The following TTN variants were observed in gnomAD, a reference collection of about 807,000 sequenced individuals.
The protein encoded by TTN is connectin.
TTN carries 1,525 observed loss-of-function variants against 3,223.0 expected under a neutral mutation model. The observed-to-expected ratio is 0.47, with a 90% CI of 0.45 to 0.49. The LOEUF (loss-of-function observed/expected upper bound fraction) is 0.49, where lower values mean the gene tolerates loss of function less well. Among genes scored for constraint, TTN ranks in the 20% least tolerant of loss-of-function variants. TTN has a pLI of 0.00. For missense variants in TTN, 40,786 were observed against 43,424.0 expected (o/e 0.94, Z 5.40); for synonymous variants, 14,094 against 15,161.0 (o/e 0.93, Z 5.17).
intron 21 of TTN, among the ~76,000 whole-genome samples, chr2:178,780,502 C>T (rs934170542): frequency 6.6e-6 from 1 of 152,188 alleles, no homozygotes; most frequent in Non-Finnish European, 1.5e-5. Context: ...AATTCATTTA[C>T]CTTCCTGAAT....
rs2555817 is a variant in TTN at position 178,546,211 on chromosome 2, C to G, written c.95119+1G>C. ...AATGTGAGAACATTTGACATGCTTA[C>G]CAAGCACTTTGACCATGACAGACAC... On this transcript the variant is annotated splice_donor_variant, in intron 342 of 362. Transcript: ENST00000589042. LOFTEE classifies it high-confidence loss of function. The G allele has an allele frequency of 6.2e-7, 1 of 1,605,246 alleles. No homozygotes were observed. Among genetic ancestry groups the G allele is most frequent in the Non-Finnish European group, 8.5e-7 (1 of 1,174,460 alleles).
In TTN at chr2:178,640,597, T is replaced by C; in HGVS notation, c.40667A>G (p.Glu13556Gly). 2 of 1,594,458 alleles carry C rather than the reference T, an allele frequency of 1.3e-6. No homozygotes were observed. The highest frequency in any genetic ancestry group is 1.7e-6 in the Non-Finnish European group (2 of 1,172,704). Residue 13556 changes from glutamate (E) to glycine (G), a missense_variant, in exon 221 of 363, where the codon GAG (glutamate) becomes GGG (glycine). Transcript: ENST00000589042. ...TTTTGTAACAGTAGGTACTTCAACC[T>C]CTTCAACAGGTTTTGGAGGTGGTGG... ...PEPPPPKPVE[E>G]VEVPTVTKRE...
chr2:178,751,994 C>T (rs763353471), intron 47 of TTN: 45 of 1,591,222 alleles, frequency 2.8e-5, no homozygotes, highest in Non-Finnish European at 3.4e-5. Flanking sequence ...AAAGGCGTCA[C>T]GTGTATCCCT....
chr2:178,712,422 G>T lies in TTN; in HGVS notation c.27500C>A (p.Ala9167Glu), dbSNP rs777165769. Residue 9167 changes from alanine (A) to glutamate (E), a missense_variant, in exon 95 of 363, where the codon GCA becomes GAA. By Grantham distance (107) the Ala-to-Glu change is moderately radical. Transcript: ENST00000589042. ...TGTGCTACTTGGAATTTCCAGGATT[G>T]CCGATTTTTCAGTCGTAGTTATATT... The part of the protein sequence containing the change: ...RCNITTTEKS[A>E]ILEIPSSTVE... 1 of 1,613,782 alleles carries T rather than the reference G, an allele frequency of 6.2e-7. No individual in the cohort carries two copies. The highest frequency in any genetic ancestry group is 1.1e-5 in the South Asian group (1 of 91,078).
intron 47 of TTN, chr2:178,742,784 T>C (rs928274702): frequency 5.9e-5 from 9 of 152,072 alleles, no homozygotes; most frequent in African/African-American, 2.2e-4. Context: ...TATTAGTAGT[T>C]TTATTGCCTT....
rs747881141 is a variant in TTN, at chr2:178,723,295, C to G, written c.21712G>C (p.Asp7238His). ...GACTTCCCTGGTTCTACAGAATGAT[C>G]ACTTAATCTCTTCAAAAATGCAGCT... ...EPAAFLKRLS[D>H]HSVEPGKSII... The change falls in exon 75 of 363, where the codon GAT becomes CAT. Residue 7238 changes from aspartate to histidine, a missense_variant. Transcript: ENST00000589042. The G allele has an allele frequency of 6.2e-7, 1 of 1,612,506 alleles. No individual in the cohort carries two copies. Among genetic ancestry groups the G allele is most frequent in the Non-Finnish European group, 8.5e-7 (1 of 1,179,264 alleles).
At position 178,530,488 on chromosome 2, in the gene TTN, C is replaced by G. The variant is rs752758517; in HGVS notation, c.106127G>C (p.Gly35376Ala). ...CTCATGGATACTCTTAAAGGCTTGC[C>G]CCATAAATTGTAAGTTGGTTTTAGA... ...GTSKTNLQFM[G>A]QAFKSIHEKV... The change falls in exon 358 of 363, where the codon GGG (glycine) becomes GCG (alanine). Residue 35376 changes from glycine (G) to alanine (A), a missense_variant. Gly to Ala is a moderately conservative substitution (Grantham distance 60, BLOSUM62 0). Coordinates refer to ENST00000589042, the MANE Select transcript of TTN (RefSeq NM_001267550.2). 22 of 1,613,780 alleles carry G rather than the reference C, an allele frequency of 1.4e-5. No homozygotes were observed. The highest frequency in any genetic ancestry group is 1.8e-5 in the Non-Finnish European group (21 of 1,179,870).
At chr2:178,549,914 T>C (rs901113884) in intron 337 of TTN, 45 bp from the exon 338 acceptor site, 47 of 1,540,020 alleles carry the variant, frequency 3.1e-5, no homozygotes, top group Non-Finnish European at 3.9e-5. Context: ...TCCTTGTCCA[T>C]TAAAATACAA....
intron 38 of TTN, among the ~76,000 whole-genome samples, chr2:178,768,362 T>C (rs2090894776): frequency 6.6e-6 from 1 of 152,218 alleles, no homozygotes; most frequent in Non-Finnish European, 1.5e-5. Flanking sequence ...AGGACTTTTC[T>C]ATTGTCTCCC....
rs2084966307 is a variant in TTN at position 178,750,044 on chromosome 2, T to C, written c.11311+3080A>G. 1.9e-6 allele frequency: 3 copies of C among 1,613,204 alleles called. No individual in the cohort carries two copies. The East Asian group carries it at 6.7e-5, about 36-fold the overall frequency. ...CTCAGTTTGAAACACTTCTTTAGAC[T>C]CTTTATCCTGTTCTGGGATAGGAGT... On this transcript the variant is annotated intron_variant, in intron 47 of 362. Transcript: ENST00000589042.
Position 178,593,027 on chromosome 2 carries a change from C to G in TTN, c.59092G>C (p.Asp19698His), listed in dbSNP as rs397517642. ...EAIDTTCNSV[D>H]LTWQPPRHDG... ...TGACGTGGTGGCTGCCAAGTTAGAT[C>G]GACTGAATTGCATGTTGTATCTATT... Residue 19698 changes from aspartate to histidine, a missense_variant, in exon 300 of 363, where the codon GAT (aspartate) becomes CAT (histidine). Transcript: ENST00000589042. 1 of 1,613,374 alleles carries G rather than the reference C, an allele frequency of 6.2e-7. No homozygotes were observed.
In TTN at chr2:178,630,242, C is replaced by T. The variant is rs1382037741; in HGVS notation, c.44280G>A (p.Lys14760=). The T allele has an allele frequency of 1.9e-6, 3 of 1,612,824 alleles. No homozygotes were observed. Among genetic ancestry groups the T allele is most frequent in the Middle Eastern group, 1.6e-4 (1 of 6,076 alleles). ...CCCTGAAAAATATACAATACTTACG[C>T]TTAACTCGGAGGTGGGCACTAGATT... ...NVKSSAHLRV[K]PRVIGLLRPL... Residue 14760 remains lysine, a splice_region_variant and synonymous_variant, in exon 239 of 363, where the codon AAG becomes AAA. Coordinates refer to ENST00000589042, the MANE Select transcript of TTN (RefSeq NM_001267550.2).
intron 119 of TTN, 55 bp from the exon 120 acceptor site, chr2:178,692,635 T>C: frequency 3.0e-6 from 4 of 1,325,104 alleles, no homozygotes; most frequent in Non-Finnish European, 4.1e-6. Context: ...AGGCATATGT[T>C]GTTGTAAGAC....
In TTN at chr2:178,733,533, A is replaced by G; in HGVS notation, c.15776-16T>C. ...TTGGCAGGTTCTACAATGGTATGAAATAGTTAGCACCCTAAATGCTTGTTA... is the reference window on the plus strand; with the variant it reads ...TTGGCAGGTTCTACAATGGTATGAAGTAGTTAGCACCCTAAATGCTTGTTA... On this transcript the variant is annotated splice_polypyrimidine_tract_variant and intron_variant, in intron 53 of 362. Transcript: ENST00000589042. 6.2e-7 allele frequency: 1 copy of G among 1,605,086 alleles called. No individual in the cohort carries two copies. The highest frequency in any genetic ancestry group is 1.1e-5 in the South Asian group (1 of 90,274).
At chr2:178,778,817 T>C in intron 24 of TTN, 57 bp downstream of exon 24, 1 of 1,611,002 alleles carries the variant, frequency 6.2e-7, no homozygotes, top group Non-Finnish European at 8.5e-7. Context: ...TTTGCTACTA[T>C]TTGATGTTTT....
chr2:178,576,268 T>A lies in TTN; in HGVS notation c.69864A>T (p.Ile23288=). ...EHQKVGDEAW[I]KDTTGTALRI... The stretch of plus-strand genomic sequence containing the variant: ...TGAGGGCGGTTCCTGTGGTATCTTT[T>A]ATCCAGGCCTCGTCTCCTACTTTTT... The change falls in exon 326 of 363, where the codon ATA becomes ATT. Residue 23288 remains isoleucine (I), a synonymous_variant. Coordinates refer to ENST00000589042, the MANE Select transcript of TTN (RefSeq NM_001267550.2). The surrounding 1 kb of genome is among the most constrained non-coding windows in gnomAD (Gnocchi z 4.3). 6.2e-7 allele frequency: 1 copy of A among 1,609,282 alleles called. No individual in the cohort carries two copies. The highest frequency in any genetic ancestry group is 8.5e-7 in the Non-Finnish European group (1 of 1,178,058).
In TTN at chr2:178,563,153, A is replaced by T; in HGVS notation, c.82979T>A (p.Leu27660Gln). The change falls in exon 326 of 363, where the codon CTA becomes CAA. Residue 27660 changes from leucine to glutamine, a missense_variant. Leu to Gln is a moderately radical substitution (Grantham distance 113). Transcript: ENST00000589042. The surrounding 1 kb of genome is among the most constrained non-coding windows in gnomAD (Gnocchi z 4.5). ...CTCCTGAGCAACCACTGAGCCAGGT[A>T]GAGTTGCAGGTTCACCTACACCTTC... ...NSEGVGEPAT[L>Q]PGSVVAQERI... is the part of the protein sequence containing the mutation. 1 of 1,613,736 alleles carries T rather than the reference A, an allele frequency of 6.2e-7. No individual in the cohort carries two copies.
At position 178,538,837 on chromosome 2, in the gene TTN, T is replaced by C. The variant is rs747243608; in HGVS notation, c.98992A>G (p.Lys32998Glu). 18 of 1,598,416 alleles carry C rather than the reference T, an allele frequency of 1.1e-5. No homozygotes were observed. The Admixed American group carries it at 3.1e-4, about 28-fold the overall frequency. Residue 32998 changes from lysine to glutamate, a missense_variant and splice_region_variant, in exon 354 of 363, where the codon AAA becomes GAA. By Grantham distance (56) the Lys-to-Glu change is moderately conservative. Transcript: ENST00000589042. Reference sequence around the variant, plus strand: ...TCAAGTTCTCCTGGTTGGCTTGGTTTATCTGAAATATTTTAAAATAATGAA... The same window carrying C: ...TCAAGTTCTCCTGGTTGGCTTGGTTCATCTGAAATATTTTAAAATAATGAA... ...EPVVCKDPFD[K>E]PSQPGELEIL...
At chr2:178,747,869 C>G in intron 47 of TTN, 1 of 1,612,974 alleles carries the variant, frequency 6.2e-7, no homozygotes, top group Non-Finnish European at 8.5e-7. Context: ...TATTTGTTCA[C>G]CTGGATTCTG....
Sources: gnomAD v4.1 joint callset for allele counts (sites outside exome capture counted in the v4.1 genomes callset) on GRCh38, gnomAD v4.1.1 for gene constraint, Gnocchi (gnomAD v3.1) non-coding constraint, MANE v1.5 for transcripts, NCBI Gene and HGNC (gene_info 2026-07-23, HGNC 2026-07-21) for gene names.